The following TMEM108 variants were observed in gnomAD, a reference collection of about 807,000 sequenced individuals.
TMEM108 encodes the protein transmembrane protein 108, also known as cancer/testis antigen 124.
TMEM108 carries 12 observed loss-of-function variants against 35.1 expected under a neutral mutation model. The ratio of observed to expected loss-of-function variants is 0.34; its 90% CI spans 0.22 to 0.55. TMEM108 has a LOEUF of 0.55. TMEM108 is among the 20% of genes least tolerant of loss of function. The probability of loss-of-function intolerance (pLI) is 0.89; values close to 1 mark genes in which losing one functional copy is unlikely to be tolerated. For missense variants in TMEM108, 680 were observed against 753.3 expected (o/e 0.90, Z 1.14); for synonymous variants, 287 against 308.6 (o/e 0.93, Z 0.73).
chr3:133,348,240 T>C (rs2071881796), intron 3 of TMEM108, among the ~76,000 whole-genome samples: 1 of 152,082 alleles, frequency 6.6e-6, no homozygotes, highest in Non-Finnish European at 1.5e-5. Context: ...AACAGTTTGT[T>C]TATAACAGTT....
chr3:133,133,689 T>C (rs998010539), intron 2 of TMEM108, among the ~76,000 whole-genome samples: 3 of 151,884 alleles, frequency 2.0e-5, no homozygotes, highest in East Asian at 1.9e-4. Context: ...TCCTTTTTTT[T>C]TCTTTCTTTT....
At position 133,240,852 on chromosome 3, in the gene TMEM108, G is replaced by T. The variant is rs1418957035; in HGVS notation, c.40+11501G>T. ...GAAAATCCCTTTCAAACATGGGTTTGCTGTATTACTATCATTAAATAACAT... is the reference window on the plus strand; with the variant it reads ...GAAAATCCCTTTCAAACATGGGTTTTCTGTATTACTATCATTAAATAACAT... On this transcript the variant is annotated intron_variant, in intron 3 of 5. Transcript: ENST00000321871. Among the ~76,000 whole-genome samples the T allele has an allele frequency of 1.3e-5, 2 of 152,062 alleles. 1 individual carries two copies. The highest frequency in any genetic ancestry group is 2.9e-5 in the Non-Finnish European group (2 of 68,024).
chr3:133,142,431 G>A (rs1436100973), intron 2 of TMEM108, among the ~76,000 whole-genome samples: 1 of 152,164 alleles, frequency 6.6e-6, no homozygotes, highest in East Asian at 1.9e-4. Context: ...GAGCAGCTCA[G>A]CTGGAGGAAC....
At chr3:133,218,493 A>T (rs1945941241) in intron 2 of TMEM108, among the ~76,000 whole-genome samples, 1 of 151,954 alleles carries the variant, frequency 6.6e-6, no homozygotes, top group Non-Finnish European at 1.5e-5. Flanking sequence ...TTAAAGGAAA[A>T]GCTTTCAATT....
At chr3:133,243,645 C>T (rs554094576) in intron 3 of TMEM108, among the ~76,000 whole-genome samples, 4 of 152,030 alleles carry the variant, frequency 2.6e-5, no homozygotes, top group South Asian at 2.1e-4. Flanking sequence ...CTCAGCCTCT[C>T]GAGTAGCTGG....
At chr3:133,109,896 A>T (rs1944204892) in intron 2 of TMEM108, among the ~76,000 whole-genome samples, 1 of 152,148 alleles carries the variant, frequency 6.6e-6, no homozygotes. Flanking sequence ...GTTTTGGTGC[A>T]ACATTAGTAT....
chr3:133,321,677 G>A (rs879857581), intron 3 of TMEM108, among the ~76,000 whole-genome samples: 1 of 152,054 alleles, frequency 6.6e-6, no homozygotes, highest in Admixed American at 6.6e-5. Flanking sequence ...AGAACAAATG[G>A]ACTTAACAGA....
At chr3:133,215,765 T>G (rs976117795) in intron 2 of TMEM108, among the ~76,000 whole-genome samples, 1 of 152,136 alleles carries the variant, frequency 6.6e-6, no homozygotes, top group Non-Finnish European at 1.5e-5. Flanking sequence ...ATACCTGTAT[T>G]TTTTTTCCTA....
At chr3:133,148,301 G>C (rs73007491) in intron 2 of TMEM108, among the ~76,000 whole-genome samples, 2,154 of 152,248 alleles carry the variant, frequency 0.014, 61 homozygotes, top group African/African-American at 0.048. Context: ...ACACTAAAAG[G>C]ACACAGAAGC....
intron 2 of TMEM108, among the ~76,000 whole-genome samples, chr3:133,156,943 G>A (rs1321665974): frequency 6.6e-6 from 1 of 152,160 alleles, no homozygotes; most frequent in Non-Finnish European, 1.5e-5. Flanking sequence ...CCTATGATGA[G>A]CAAAGCCCCC....
At chr3:133,354,016 G>C (rs919717845) in intron 3 of TMEM108, among the ~76,000 whole-genome samples, 1 of 152,206 alleles carries the variant, frequency 6.6e-6, no homozygotes, top group Non-Finnish European at 1.5e-5. Context: ...AGGAGGCAGG[G>C]TGAGCAGCAT....
At position 133,073,484 on chromosome 3, in the gene TMEM108, T is replaced by TTCTCTCTCTCTCTC. The variant is rs371623398; in HGVS notation, c.-47+27478_-47+27491dup. 3.6e-3 allele frequency among the ~76,000 whole-genome samples: 198 copies of TTCTCTCTCTCTCTC among 55,578 alleles called. 6 individuals are homozygous for TTCTCTCTCTCTCTC. The highest frequency in any genetic ancestry group is 5.4e-3 in the African/African-American group (49 of 9,152). 36.5% of individuals were successfully genotyped at this position (55,578 alleles called of 152,430 possible). A position where few individuals can be genotyped will look rare whatever the true frequency, so the allele number is the denominator to read the frequency against. On this transcript the variant is annotated intron_variant, in intron 2 of 5. Transcript: ENST00000321871. Reference sequence around the variant, plus strand: ...TTTTTTAAGGCTGAATAGTATTCTATTCTCTCTCTCTCTCTCTCTCTCTCT... The same window carrying TTCTCTCTCTCTCTC: ...TTTTTTAAGGCTGAATAGTATTCTATTCTCTCTCTCTCTCTCTCTCTCTCTCTCTCTCTCTCTCT...
intron 3 of TMEM108, among the ~76,000 whole-genome samples, chr3:133,320,375 G>C (rs1411285178): frequency 6.6e-6 from 1 of 151,290 alleles, no homozygotes; most frequent in Non-Finnish European, 1.5e-5. Flanking sequence ...CACACTTAGA[G>C]AAATACAAAA....
chr3:133,266,743 A>G (rs978411416), intron 3 of TMEM108, among the ~76,000 whole-genome samples: 3 of 152,152 alleles, frequency 2.0e-5, no homozygotes, highest in East Asian at 1.9e-4. Flanking sequence ...CCCATGTGAC[A>G]TGGCTGGTCA....
intron 2 of TMEM108, among the ~76,000 whole-genome samples, chr3:133,120,716 A>G (rs1367215881): frequency 6.6e-6 from 1 of 152,150 alleles, no homozygotes; most frequent in Non-Finnish European, 1.5e-5. Flanking sequence ...AACAGCTAAT[A>G]TTTTTGTTAT....
At chr3:133,321,516 A>T (rs2071267544) in intron 3 of TMEM108, among the ~76,000 whole-genome samples, 1 of 152,202 alleles carries the variant, frequency 6.6e-6, no homozygotes, top group South Asian at 2.1e-4. Flanking sequence ...CAAATTTATA[A>T]AACAATTATT....
At chr3:133,268,652 A>G (rs538436783) in intron 3 of TMEM108, among the ~76,000 whole-genome samples, 1 of 152,348 alleles carries the variant, frequency 6.6e-6, no homozygotes, top group East Asian at 1.9e-4. Flanking sequence ...TTTCTCTGTT[A>G]TTATAAATGG....
chr3:133,060,377 G>T (rs1943521994), intron 2 of TMEM108, among the ~76,000 whole-genome samples: 1 of 152,210 alleles, frequency 6.6e-6, no homozygotes, highest in African/African-American at 2.4e-5. Flanking sequence ...CTGTAGCACA[G>T]ATTTCTCCCC....
intron 2 of TMEM108, among the ~76,000 whole-genome samples, chr3:133,080,816 C>G (rs924143286): frequency 6.6e-6 from 1 of 152,100 alleles, no homozygotes; most frequent in African/African-American, 2.4e-5. Context: ...GATATTTTCT[C>G]CATTTTTTTT....
Sources: allele counts gnomAD v4.1 joint callset (sites outside exome capture counted in the v4.1 genomes callset), GRCh38; gene constraint gnomAD v4.1.1; transcripts MANE v1.5; gene names NCBI Gene and HGNC (gene_info 2026-07-23, HGNC 2026-07-21).